Variants in CSMD1 observed in about 807,000 individuals in gnomAD.
The protein encoded by CSMD1 is CUB and sushi domain-containing protein 1.
CSMD1 carries 213 observed loss-of-function variants against 417.5 expected under a neutral mutation model. The observed-to-expected ratio is 0.51, with a 90% confidence interval of 0.46 to 0.57. The LOEUF (loss-of-function observed/expected upper bound fraction) is 0.57, where lower values mean the gene tolerates loss of function less well. Ranked by LOEUF, CSMD1 falls within the 20% of genes least tolerant of loss-of-function variation. The pLI is 0.00. For missense variants in CSMD1, 6,923 were observed against 4,529.7 expected, an observed-to-expected ratio of 1.53 and a Z score of -15.17; for synonymous variants, 2,862 against 1,736.8, an observed-to-expected ratio of 1.65 and a Z score of -16.11.
chr8:3,066,239 C>T (rs10097795), intron 49 of CSMD1, among the ~76,000 whole-genome samples: 7,363 of 152,240 alleles, frequency 0.048, 620 homozygotes, highest in African/African-American at 0.17. Flanking sequence ...TGAAATGAAG[C>T]ATTTCAATAT....
At chr8:3,008,835 G>A (rs779853488) in intron 52 of CSMD1, among the ~76,000 whole-genome samples, 20 of 152,122 alleles carry the variant, frequency 1.3e-4, no homozygotes, top group East Asian at 3.9e-4. Flanking sequence ...AGTGACTGAC[G>A]CAAGGTGGAC....
At chr8:4,637,146 T>G (rs949119485) in intron 2 of CSMD1, among the ~76,000 whole-genome samples, 196 bp downstream of exon 2, 1 of 152,150 alleles carries the variant, frequency 6.6e-6, no homozygotes, top group Non-Finnish European at 1.5e-5. Context: ...ACTAACTCTT[T>G]GTTTCCCTGC....
intron 1 of CSMD1, among the ~76,000 whole-genome samples, chr8:4,957,426 G>A (rs968732739): frequency 6.6e-6 from 1 of 152,214 alleles, no homozygotes; most frequent in Non-Finnish European, 1.5e-5. Flanking sequence ...GAAACCCTAT[G>A]TAACAGGCGC....
Position 4,274,131 on chromosome 8 carries a change from G to C in CSMD1, c.415+145822C>G, listed in dbSNP as rs73660726. On this transcript the variant is annotated intron_variant, in intron 3 of 69. Coordinates refer to ENST00000635120, the MANE Select transcript of CSMD1 (RefSeq NM_033225.6). ...AAATAACCCCTCCTCCATTATCTTA[G>C]AAGTGACTCTAATACTCACTAATGT... is the stretch of plus-strand genomic sequence containing the variant. 9.3e-3 allele frequency among the ~76,000 whole-genome samples: 1,410 copies of C among 152,114 alleles called. 18 individuals are homozygous for C. The highest frequency in any genetic ancestry group is 0.033 in the African/African-American group (1,361 of 41,490).
At chr8:3,082,330 C>T (rs1814162488) in intron 49 of CSMD1, among the ~76,000 whole-genome samples, 1 of 152,164 alleles carries the variant, frequency 6.6e-6, no homozygotes, top group African/African-American at 2.4e-5. Context: ...AAGCTGAAAG[C>T]CACGTAAACT....
intron 33 of CSMD1, among the ~76,000 whole-genome samples, chr8:3,197,509 A>C (rs1796766484): frequency 7.1e-6 from 1 of 140,546 alleles, no homozygotes; most frequent in Non-Finnish European, 1.5e-5. Flanking sequence ...TCTGTCACCC[A>C]GGCTGGAGTG....
intron 2 of CSMD1, among the ~76,000 whole-genome samples, chr8:4,427,993 T>G (rs1206896690): frequency 6.6e-6 from 1 of 152,184 alleles, no homozygotes; most frequent in Non-Finnish European, 1.5e-5. Flanking sequence ...ATTGGCCCAG[T>G]AGTAAAGATA....
chr8:3,129,592 T>C (rs1817683913), intron 41 of CSMD1, among the ~76,000 whole-genome samples: 1 of 151,838 alleles, frequency 6.6e-6, no homozygotes, highest in African/African-American at 2.4e-5. Context: ...CTGCCCAACA[T>C]GGTGAAACCT....
At chr8:3,557,407 C>T (rs138504930) in intron 10 of CSMD1, among the ~76,000 whole-genome samples, 44 of 152,240 alleles carry the variant, frequency 2.9e-4, no homozygotes, top group African/African-American at 1.1e-3. Context: ...TATGGGTCTT[C>T]ACTATTTGCC....
chr8:4,163,852 C>T (rs1374062479), intron 3 of CSMD1, among the ~76,000 whole-genome samples: 1 of 152,148 alleles, frequency 6.6e-6, no homozygotes, highest in Non-Finnish European at 1.5e-5. Flanking sequence ...AAAATTACTA[C>T]TCTAAATACC....
intron 5 of CSMD1, among the ~76,000 whole-genome samples, chr8:3,896,147 C>G (rs1027473251): frequency 6.6e-6 from 1 of 152,134 alleles, no homozygotes; most frequent in African/African-American, 2.4e-5. Context: ...CAATTTGATT[C>G]AGTCAATGTA....
intron 3 of CSMD1, among the ~76,000 whole-genome samples, chr8:4,065,927 G>C (rs776951722): frequency 1.1e-4 from 16 of 152,122 alleles, no homozygotes; most frequent in Non-Finnish European, 2.2e-4. Flanking sequence ...GGAAAAATGA[G>C]AGTTAGAGAA....
chr8:4,176,417 A>G (rs942390369), intron 3 of CSMD1, among the ~76,000 whole-genome samples: 1 of 152,030 alleles, frequency 6.6e-6, no homozygotes, highest in African/African-American at 2.4e-5. Context: ...CTTATTTACC[A>G]TGATTTTTAC....
At chr8:4,540,496 G>C (rs988131707) in intron 2 of CSMD1, among the ~76,000 whole-genome samples, 2 of 152,132 alleles carry the variant, frequency 1.3e-5, no homozygotes, top group Non-Finnish European at 2.9e-5. Flanking sequence ...TTGAGCCCAG[G>C]AGTTCCAGAC....
At chr8:4,640,121 T>G (rs891980636) in intron 1 of CSMD1, among the ~76,000 whole-genome samples, 2 of 152,206 alleles carry the variant, frequency 1.3e-5, no homozygotes, top group Non-Finnish European at 2.9e-5. Context: ...TGAACAGATA[T>G]GAAGATTTCC....
chr8:3,803,420 T>C (rs1206580041), intron 5 of CSMD1, among the ~76,000 whole-genome samples: 1 of 152,166 alleles, frequency 6.6e-6, no homozygotes, highest in Non-Finnish European at 1.5e-5. Flanking sequence ...TAGGTAGAGC[T>C]TGTGGTCAAG....
At chr8:3,512,114 G>A (rs889419374) in intron 10 of CSMD1, among the ~76,000 whole-genome samples, 1 of 152,086 alleles carries the variant, frequency 6.6e-6, no homozygotes, top group Non-Finnish European at 1.5e-5. Flanking sequence ...TTCTCATCCT[G>A]CCTGGACTGT....
chr8:3,962,252 G>A (rs984511654), intron 5 of CSMD1, among the ~76,000 whole-genome samples: 4 of 152,086 alleles, frequency 2.6e-5, no homozygotes, highest in Non-Finnish European at 5.9e-5. Flanking sequence ...CTCCAGATTT[G>A]GTCATGATGA....
At chr8:3,259,017 A>G (rs981502967) in intron 26 of CSMD1, among the ~76,000 whole-genome samples, 16 of 152,174 alleles carry the variant, frequency 1.1e-4, no homozygotes, top group Non-Finnish European at 1.6e-4. Context: ...TGGGTGATGA[A>G]TCTAGGTTAG....
Sources: allele counts gnomAD v4.1 joint callset (sites outside exome capture counted in the v4.1 genomes callset), GRCh38; gene constraint gnomAD v4.1.1; transcripts MANE v1.5; gene names NCBI Gene and HGNC (gene_info 2026-07-23, HGNC 2026-07-21).